Variants in ZNF445 observed in about 807,000 individuals in gnomAD.
The protein encoded by ZNF445 is zinc finger protein 445.
In ZNF445, 19 loss-of-function variants were observed where a neutral mutation model predicts 93.9. The ratio of observed to expected loss-of-function variants is 0.20; its 90% confidence interval spans 0.14 to 0.30. ZNF445 has a LOEUF of 0.30. Among genes scored for constraint, ZNF445 ranks in the 10% least tolerant of loss-of-function variants. The probability of loss-of-function intolerance (pLI) is 1.00; values close to 1 mark genes in which losing one functional copy is unlikely to be tolerated. For missense variants in ZNF445, 1,058 were observed against 1,259.4 expected, an observed-to-expected ratio of 0.84 and a Z score of 2.42; for synonymous variants, 449 against 446.3, an observed-to-expected ratio of 1.01 and a Z score of -0.08.
intron 1 of ZNF445, among the ~76,000 whole-genome samples, chr3:44,465,971 T>C (rs927020178): frequency 6.6e-6 from 1 of 152,194 alleles, no homozygotes; most frequent in Non-Finnish European, 1.5e-5. Flanking sequence ...ACATTAAAGA[T>C]GCATTAATGC....
In ZNF445 at chr3:44,440,272, A is replaced by G. The variant is rs1004212464; in HGVS notation, c.*6303T>C. 2.6e-5 allele frequency: 4 copies of G among 152,216 alleles called. No homozygotes were observed. Among genetic ancestry groups the G allele is most frequent in the Admixed American group, 6.5e-5 (1 of 15,284 alleles). 9.4% of individuals were successfully genotyped at this position (152,216 alleles called of 1,614,324 possible). A position where few individuals can be genotyped will look rare whatever the true frequency, so the allele number is the denominator to read the frequency against. ...TAGCAGGGTTAACATTAACTTTAAA[A>G]GGTGTGGTAGCTGGCATACAAGTAT... On this transcript the variant is annotated 3_prime_UTR_variant, in exon 8 of 8. Transcript: ENST00000396077.
chr3:44,470,959 CAAG>C (rs892262842), intron 1 of ZNF445, among the ~76,000 whole-genome samples: 8 of 150,830 alleles, frequency 5.3e-5, no homozygotes, highest in African/African-American at 2.0e-4. Flanking sequence ...AGGTAGAGAA[CAAG>C]AAGAGCAAAA....
chr3:44,469,449 C>G (rs533965405), intron 1 of ZNF445, among the ~76,000 whole-genome samples: 1 of 152,128 alleles, frequency 6.6e-6, no homozygotes, highest in Non-Finnish European at 1.5e-5. Context: ...ACATGCATGA[C>G]GGCTGCTGAT....
intron 1 of ZNF445, among the ~76,000 whole-genome samples, chr3:44,462,877 C>T (rs1698136287): frequency 6.6e-6 from 1 of 151,360 alleles, no homozygotes; most frequent in Non-Finnish European, 1.5e-5. Context: ...TTTAAGAGTG[C>T]TATGGTTAAA....
chr3:44,467,855 G>T (rs955033117), intron 1 of ZNF445, among the ~76,000 whole-genome samples: 1 of 152,116 alleles, frequency 6.6e-6, no homozygotes, highest in Non-Finnish European at 1.5e-5. Flanking sequence ...TATTGTAGCT[G>T]TTCTTGAGGG....
chr3:44,456,101 G>C (rs771028133), intron 2 of ZNF445, among the ~76,000 whole-genome samples: 1 of 152,118 alleles, frequency 6.6e-6, no homozygotes, highest in Non-Finnish European at 1.5e-5. Context: ...TATGTGGAAA[G>C]GCAATGGGAT....
Position 44,436,640 on chromosome 3 carries a change from T to A in ZNF445, c.*9935A>T, listed in dbSNP as rs1575301376. The stretch of plus-strand genomic sequence containing the variant: ...TCATTCAGTGCAGGTTATGTTTGCA[T>A]TCGTGTTTTTTTTTTCTTTTGGAGA... On this transcript the variant is annotated 3_prime_UTR_variant, in exon 8 of 8. Coordinates refer to ENST00000396077, the MANE Select transcript of ZNF445 (RefSeq NM_181489.6). 6 of 152,138 alleles carry A rather than the reference T, an allele frequency of 3.9e-5. No homozygotes were observed. 9.4% of individuals were successfully genotyped at this position (152,138 alleles called of 1,614,324 possible). A position where few individuals can be genotyped will look rare whatever the true frequency, so the allele number is the denominator to read the frequency against.
At chr3:44,476,585 A>T (rs543806856) in intron 1 of ZNF445, among the ~76,000 whole-genome samples, 11 of 152,206 alleles carry the variant, frequency 7.2e-5, no homozygotes, top group African/African-American at 2.4e-4. Context: ...CCTAATACTG[A>T]GTTTTTAGTT....
chr3:44,452,712 T>C (rs1451950602), intron 3 of ZNF445, among the ~76,000 whole-genome samples: 5 of 152,206 alleles, frequency 3.3e-5, no homozygotes, highest in African/African-American at 1.2e-4. Context: ...CTTTTGAACA[T>C]TTCATTGTTT....
chr3:44,462,683 GAA>G (rs35028138), intron 1 of ZNF445, among the ~76,000 whole-genome samples: 1 of 144,772 alleles, frequency 6.9e-6, no homozygotes, highest in Non-Finnish European at 1.5e-5. Context: ...GAAAAAAAAA[GAA>G]AAAAAAAAGA....
intron 1 of ZNF445, among the ~76,000 whole-genome samples, chr3:44,469,449 C>T (rs533965405): frequency 2.5e-4 from 38 of 152,246 alleles, no homozygotes; most frequent in Admixed American, 2.0e-3. Context: ...ACATGCATGA[C>T]GGCTGCTGAT....
intron 1 of ZNF445, among the ~76,000 whole-genome samples, chr3:44,461,469 G>A (rs1330271256): frequency 6.6e-6 from 1 of 152,186 alleles, no homozygotes; most frequent in Non-Finnish European, 1.5e-5. Flanking sequence ...GGTTGCTGAT[G>A]GAAGTCCAGC....
rs879412585 is a variant in ZNF445, at chr3:44,472,717, GCT to G, written c.-269+4872_-269+4873del. ...GAACATACAGCTACCTCAGCAGACA[GCT>G]GAGCCCGCCAATGAAATTCAGGTAT... On this transcript the variant is annotated intron_variant, in intron 1 of 7. Coordinates refer to ENST00000396077, the MANE Select transcript of ZNF445 (RefSeq NM_181489.6). Among the ~76,000 whole-genome samples the G allele has an allele frequency of 3.3e-3, 498 of 152,216 alleles. 5 individuals are homozygous for G. Among genetic ancestry groups the G allele is most frequent in the Admixed American group, 0.025 (387 of 15,290 alleles).
At chr3:44,471,130 A>C (rs1215783604) in intron 1 of ZNF445, among the ~76,000 whole-genome samples, 1 of 152,150 alleles carries the variant, frequency 6.6e-6, no homozygotes, top group Non-Finnish European at 1.5e-5. Flanking sequence ...TTCCACAGAC[A>C]CAGGATCAGC....
chr3:44,475,456 T>A (rs1197640425), intron 1 of ZNF445, among the ~76,000 whole-genome samples: 4 of 151,876 alleles, frequency 2.6e-5, no homozygotes, highest in Non-Finnish European at 5.9e-5. Flanking sequence ...CACCTCAGCC[T>A]CCCAAAGTGC....
Position 44,440,941 on chromosome 3 carries a change from T to TCTTG in ZNF445, c.*5630_*5633dup, listed in dbSNP as rs1307549150. The TCTTG allele has an allele frequency of 7.1e-6, 1 of 140,182 alleles. No individual in the cohort carries two copies. Among genetic ancestry groups the TCTTG allele is most frequent in the Non-Finnish European group, 1.5e-5 (1 of 65,946 alleles). The allele number at this position is 140,182 out of a possible 1,614,324, so 8.7% of individuals were successfully genotyped here. ...TTTTTTTTTTTTTTTTGAGACAGAG[T>TCTTG]CTTGCTCTGTCACCCAGGCTGGAGT... On this transcript the variant is annotated 3_prime_UTR_variant, in exon 8 of 8. Transcript: ENST00000396077.
rs1165621967 is a variant in ZNF445 at position 44,444,361 on chromosome 3, T to C, written c.*2214A>G. The C allele has an allele frequency of 6.6e-6, 1 of 152,182 alleles. No individual in the cohort carries two copies. Among genetic ancestry groups the C allele is most frequent in the Non-Finnish European group, 1.5e-5 (1 of 68,056 alleles). The allele number at this position is 152,182 out of a possible 1,614,324, so 9.4% of individuals were successfully genotyped here. Reference sequence around the variant, plus strand: ...GAGAGCCTTGGTAAACCAAGCCCTCTTTCACCAATCTCAGGAATCAGGTAG... The same window carrying C: ...GAGAGCCTTGGTAAACCAAGCCCTCCTTCACCAATCTCAGGAATCAGGTAG... On this transcript the variant is annotated 3_prime_UTR_variant, in exon 8 of 8. Transcript: ENST00000396077.
rs146417068 is a variant in ZNF445, at chr3:44,447,661, C to G, written c.2010G>C (p.Gln670His). Residue 670 changes from glutamine to histidine, a missense_variant, in exon 8 of 8, where the codon CAG becomes CAC. By Grantham distance (24) the Gln-to-His change is conservative. Coordinates refer to ENST00000396077, the MANE Select transcript of ZNF445 (RefSeq NM_181489.6). The surrounding 1 kb of genome is among the most constrained non-coding windows in gnomAD (Gnocchi z 4.7). ...EGFRQSPDCS[Q>H]PQGAPAVEKT... is the part of the protein sequence containing the mutation. ...TCTCCACAGCGGGAGCACCCTGGGG[C>G]TGACTGCAGTCAGGAGATTGCCTGA... 30 of 1,613,950 alleles carry G rather than the reference C, an allele frequency of 1.9e-5. No homozygotes were observed. The African/African-American group carries it at 3.5e-4, about 19-fold the overall frequency.
chr3:44,447,109 G>T lies in ZNF445; in HGVS notation c.2562C>A (p.Thr854=). The change falls in exon 8 of 8, where the codon ACC becomes ACA. Residue 854 remains threonine (T), a synonymous_variant. Coordinates refer to ENST00000396077, the MANE Select transcript of ZNF445 (RefSeq NM_181489.6). This position sits in a 1 kb window ranked among gnomAD's most constrained non-coding sequence, Gnocchi z 4.7. ...TGTGTATTCCCTTATGATCTAAAAG[G>T]GTTCTTTTACGTGTAAAGGTTTTCC... is the stretch of plus-strand genomic sequence containing the variant. ...ECGKTFTRKR[T]LLDHKGIHSG... The T allele has an allele frequency of 6.2e-7, 1 of 1,614,108 alleles. No homozygotes were observed. Among genetic ancestry groups the T allele is most frequent in the South Asian group, 1.1e-5 (1 of 91,076 alleles).
Sources: gnomAD v4.1 joint callset for allele counts (sites outside exome capture counted in the v4.1 genomes callset) on GRCh38, gnomAD v4.1.1 for gene constraint, Gnocchi (gnomAD v3.1) non-coding constraint, MANE v1.5 for transcripts, NCBI Gene and HGNC (gene_info 2026-07-23, HGNC 2026-07-21) for gene names.